The following ERVMER34-1 variants were observed in gnomAD, a reference collection of about 807,000 sequenced individuals.
The protein encoded by ERVMER34-1 is endogenous retrovirus group MER34 member 1, envelope, also known as endogenous retroviral envelope protein HEMO.
For missense variants in ERVMER34-1, 471 were observed against 295.1 expected (o/e 1.60, Z -4.37); for synonymous variants, 199 against 111.7 (o/e 1.78, Z -4.93).
chr4:52,748,487 C>T (rs1716205002), intron 2 of ERVMER34-1, among the ~76,000 whole-genome samples: 2 of 152,166 alleles, frequency 1.3e-5, no homozygotes, highest in South Asian at 2.1e-4. Context: ...TCAATGGGTA[C>T]GGACATTTGA....
At chr4:52,749,422 C>T (rs1716227395) in intron 2 of ERVMER34-1, among the ~76,000 whole-genome samples, 1 of 152,192 alleles carries the variant, frequency 6.6e-6, no homozygotes. Context: ...TGGAGAACCC[C>T]ACTCCACATC....
chr4:52,745,623 G>A lies in ERVMER34-1; in HGVS notation c.-103C>T. The A allele has an allele frequency of 1.6e-6, 1 of 625,414 alleles. No homozygotes were observed. The allele number at this position is 625,414 out of a possible 1,614,324, so 38.7% of individuals were successfully genotyped here. On this transcript the variant is annotated 5_prime_UTR_variant, in exon 3 of 3. Transcript: ENST00000443173. ...ATTTCTAAGTCAGAGAATTTTCCAG[G>A]TTGAGGAGGGAAGATGTTTCAGCTA...
Position 52,744,973 on chromosome 4 carries a change from T to C in ERVMER34-1, c.548A>G (p.Gln183Arg). 1.4e-6 allele frequency: 1 copy of C among 704,170 alleles called. No homozygotes were observed. The highest frequency in any genetic ancestry group is 1.7e-5 in the African/African-American group (1 of 57,386). 43.6% of individuals were successfully genotyped at this position (704,170 alleles called of 1,614,324 possible). A position where few individuals can be genotyped will look rare whatever the true frequency, so the allele number is the denominator to read the frequency against. The change falls in exon 3 of 3, where the codon CAA becomes CGA. Residue 183 changes from glutamine (Q) to arginine (R), a missense_variant. By Grantham distance (43) the Gln-to-Arg change is conservative (BLOSUM62 1). Transcript: ENST00000443173. Reference sequence around the variant, plus strand: ...TGTGCAACCTGCAAACCAGGAACATTGTCTAGTGCCTAGGCAAACACTTGT... The same window carrying C: ...TGTGCAACCTGCAAACCAGGAACATCGTCTAGTGCCTAGGCAAACACTTGT... The part of the protein sequence containing the change: ...DDTSVCLGTR[Q>R]CSWFAGCTNR...
intron 2 of ERVMER34-1, among the ~76,000 whole-genome samples, chr4:52,748,570 G>A (rs1054667101): frequency 3.3e-5 from 5 of 152,126 alleles, no homozygotes; most frequent in South Asian, 2.1e-4. Flanking sequence ...CGTCACTTGC[G>A]TTCCTCCTGA....
In ERVMER34-1 at chr4:52,743,765, CT is replaced by C; in HGVS notation, c.*63del. The stretch of plus-strand genomic sequence containing the variant: ...TTGGCAGCTGAATTCTCGGTAAGAC[CT>C]GCTTTACTCATCAAAGTTTAGCTAA... On this transcript the variant is annotated 3_prime_UTR_variant, in exon 3 of 3. Coordinates refer to ENST00000443173, the MANE Select transcript of ERVMER34-1 (RefSeq NM_001242690.2). The C allele has an allele frequency of 7.1e-7, 1 of 1,416,266 alleles. No homozygotes were observed. The highest frequency in any genetic ancestry group is 9.3e-7 in the Non-Finnish European group (1 of 1,080,482). The allele number at this position is 1,416,266 out of a possible 1,614,324, so 87.7% of individuals were successfully genotyped here.
Position 52,743,916 on chromosome 4 carries a change from C to G in ERVMER34-1, c.1605G>C (p.Gln535His). Residue 535 changes from glutamine (Q) to histidine (H), a missense_variant, in exon 3 of 3, where the codon CAG becomes CAC. Gln to His is a conservative substitution (Grantham distance 24). Coordinates refer to ENST00000443173, the MANE Select transcript of ERVMER34-1 (RefSeq NM_001242690.2). ...NLALSPQQSA[Q>H]LLVSETSCQV... is the part of the protein sequence containing the mutation. Reference sequence around the variant, plus strand: ...GACATGAAGTTTCACTGACAAGGAGCTGTGCTGATTGCTGTGGAGATAAGG... The same window carrying G: ...GACATGAAGTTTCACTGACAAGGAGGTGTGCTGATTGCTGTGGAGATAAGG... 7.2e-7 allele frequency: 1 copy of G among 1,383,002 alleles called. No individual in the cohort carries two copies. The highest frequency in any genetic ancestry group is 1.2e-5 in the South Asian group (1 of 80,886). The allele number at this position is 1,383,002 out of a possible 1,614,324, so 85.7% of individuals were successfully genotyped here. A position where few individuals can be genotyped will look rare whatever the true frequency, so the allele number is the denominator to read the frequency against.
chr4:52,743,222 C>T lies in ERVMER34-1; in HGVS notation c.*607G>A, dbSNP rs1560435746. 1 of 152,142 alleles carries T rather than the reference C, an allele frequency of 6.6e-6. No homozygotes were observed. The highest frequency in any genetic ancestry group is 6.5e-5 in the Admixed American group (1 of 15,276). The allele number at this position is 152,142 out of a possible 1,614,324, so 9.4% of individuals were successfully genotyped here. The stretch of plus-strand genomic sequence containing the variant: ...TATTCCATTAGACCACTAAAATGCC[C>T]ATGGGAAATCAGGAAAGCTCAGATC... On this transcript the variant is annotated 3_prime_UTR_variant, in exon 3 of 3. Coordinates refer to ENST00000443173, the MANE Select transcript of ERVMER34-1 (RefSeq NM_001242690.2).
rs1716061842 is a variant in ERVMER34-1 at position 52,743,413 on chromosome 4, T to A, written c.*416A>T. The stretch of plus-strand genomic sequence containing the variant: ...CAAAATCAAGGGAACAAAATTCCCT[T>A]ATCTATTCAAACACACTCTTTGGTC... On this transcript the variant is annotated 3_prime_UTR_variant, in exon 3 of 3. Transcript: ENST00000443173. 6.4e-6 allele frequency: 1 copy of A among 155,512 alleles called. No individual in the cohort carries two copies. The highest frequency in any genetic ancestry group is 1.4e-5 in the Non-Finnish European group (1 of 70,482). 9.6% of individuals were successfully genotyped at this position (155,512 alleles called of 1,614,324 possible).
At chr4:52,747,357 A>G (rs1380519628) in intron 2 of ERVMER34-1, among the ~76,000 whole-genome samples, 1 of 152,164 alleles carries the variant, frequency 6.6e-6, no homozygotes, top group Non-Finnish European at 1.5e-5. Flanking sequence ...TATACAAACT[A>G]ATCAATCCAG....
chr4:52,750,400 T>C (rs1716258558), intron 2 of ERVMER34-1, among the ~76,000 whole-genome samples: 1 of 152,216 alleles, frequency 6.6e-6, no homozygotes, highest in African/African-American at 2.4e-5. Context: ...ATTATTATTG[T>C]TCATTGCGCA....
At chr4:52,747,655 G>A (rs531468621) in intron 2 of ERVMER34-1, among the ~76,000 whole-genome samples, 4 of 152,260 alleles carry the variant, frequency 2.6e-5, no homozygotes, top group East Asian at 3.9e-4. Flanking sequence ...ACCAAGGCCC[G>A]AATCTGGCTC....
chr4:52,747,095 G>T lies in ERVMER34-1; in HGVS notation c.-423-1152C>A, dbSNP rs183982056. Among the ~76,000 whole-genome samples the T allele has an allele frequency of 4.4e-3, 667 of 152,124 alleles. 7 individuals carry two copies. The highest frequency in any genetic ancestry group is 0.016 in the African/African-American group (647 of 41,490). ...AATATAAAAATTAGCTGGGCATGGT[G>T]GTGTGCGCCTGTGGTCCCAGCTACT... On this transcript the variant is annotated intron_variant, in intron 2 of 2. Transcript: ENST00000443173.
chr4:52,746,950 C>T (rs746164007), intron 2 of ERVMER34-1, among the ~76,000 whole-genome samples: 17 of 151,080 alleles, frequency 1.1e-4, no homozygotes, highest in Non-Finnish European at 1.0e-4. Flanking sequence ...AGCTGAGGGC[C>T]GGGCACGGTG....
chr4:52,747,543 C>G (rs1236591949), intron 2 of ERVMER34-1, among the ~76,000 whole-genome samples: 2 of 152,178 alleles, frequency 1.3e-5, no homozygotes, highest in Non-Finnish European at 2.9e-5. Flanking sequence ...TCTTCTTTCC[C>G]ATGGAGGTTA....
chr4:52,745,399 T>C lies in ERVMER34-1; in HGVS notation c.122A>G (p.Gln41Arg). Residue 41 changes from glutamine (Q) to arginine (R), a missense_variant, in exon 3 of 3, where the codon CAG becomes CGG. Coordinates refer to ENST00000443173, the MANE Select transcript of ERVMER34-1 (RefSeq NM_001242690.2). ...VFRTLSILTN[Q>R]SNCWLCEHLD... The stretch of plus-strand genomic sequence containing the variant: ...ATGTTCACATAACCAGCAATTAGAC[T>C]GATTAGTCAAGATAGATAGTGTCCG... The C allele has an allele frequency of 1.4e-6, 1 of 704,086 alleles. No individual in the cohort carries two copies. 43.6% of individuals were successfully genotyped at this position (704,086 alleles called of 1,614,324 possible). A position where few individuals can be genotyped will look rare whatever the true frequency, so the allele number is the denominator to read the frequency against.
chr4:52,746,453 T>C (rs945979709), intron 2 of ERVMER34-1, among the ~76,000 whole-genome samples: 1 of 152,222 alleles, frequency 6.6e-6, no homozygotes, highest in African/African-American at 2.4e-5. Context: ...TTGAGTATAG[T>C]AGGGGGTATA....
chr4:52,745,162 TC>T lies in ERVMER34-1; in HGVS notation c.358del (p.Glu120ArgfsTer8), dbSNP rs1306413562. The T allele has an allele frequency of 4.3e-6, 3 of 704,124 alleles. No homozygotes were observed. The highest frequency in any genetic ancestry group is 7.8e-6 in the Non-Finnish European group (3 of 385,000). The allele number at this position is 704,124 out of a possible 1,614,324, so 43.6% of individuals were successfully genotyped here. On this transcript the variant is annotated frameshift_variant, in exon 3 of 3. Transcript: ENST00000443173. LOFTEE classifies it low-confidence loss of function (END_TRUNC). The part of the protein sequence containing the change: ...GLSFAQVRLL[E>X]GNFSLCVENK... ...TTCTACGCAAAGAGAAAAATTTCCC[TC>T]CAATAACCTTACTTGAGCAAAGGAT...
chr4:52,744,519 A>G lies in ERVMER34-1; in HGVS notation c.1002T>C (p.Ala334=), dbSNP rs556958758. The G allele has an allele frequency of 4.5e-5, 32 of 704,146 alleles. 1 individual carries two copies. In the South Asian group the frequency reaches 4.6e-4, roughly 10 times the overall value. 43.6% of individuals were successfully genotyped at this position (704,146 alleles called of 1,614,324 possible). A position where few individuals can be genotyped will look rare whatever the true frequency, so the allele number is the denominator to read the frequency against. The change falls in exon 3 of 3, where the codon GCT becomes GCC. Residue 334 remains alanine, a synonymous_variant. Coordinates refer to ENST00000443173, the MANE Select transcript of ERVMER34-1 (RefSeq NM_001242690.2). ...PSLTRYLTLN[A]SQITNLRSFI... ...AGGATCTCAGGTTTGTAATTTGGCT[A>G]GCATTTAAGGTGAGGTATCTGGTGA...
At chr4:52,748,850 AT>A (rs772148648) in intron 2 of ERVMER34-1, among the ~76,000 whole-genome samples, 2 of 151,102 alleles carry the variant, frequency 1.3e-5, no homozygotes, top group African/African-American at 2.4e-5. Flanking sequence ...TGCATAGCAT[AT>A]TTTTTTTTCT....
Sources: gnomAD v4.1 joint callset for allele counts (sites outside exome capture counted in the v4.1 genomes callset) on GRCh38, gnomAD v4.1.1 for gene constraint, MANE v1.5 for transcripts, NCBI Gene and HGNC (gene_info 2026-07-23, HGNC 2026-07-21) for gene names.